NCOR2: variants seen among roughly 807,000 people sequenced by gnomAD.
NCOR2 encodes nuclear receptor corepressor 2, also known as CTG repeat protein 26.
A neutral mutation model predicts 262.9 loss-of-function variants in NCOR2; 81 were observed. That is an observed-to-expected ratio of 0.31 (90% confidence interval 0.26 to 0.37). The LOEUF is 0.37. Among genes scored for constraint, NCOR2 ranks in the 10% least tolerant of loss-of-function variants. The probability of loss-of-function intolerance (pLI) is 1.00; values close to 1 mark genes in which losing one functional copy is unlikely to be tolerated. For missense variants in NCOR2, 3,385 were observed against 3,621.4 expected (o/e 0.93, Z 1.68); for synonymous variants, 1,659 against 1,559.3 (o/e 1.06, Z -1.51).
Position 124,495,137 on chromosome 12 carries a change from A to C in NCOR2, c.105+10T>G. The C allele has an allele frequency of 1.9e-6, 3 of 1,613,102 alleles. No homozygotes were observed. In the South Asian group the frequency reaches 3.3e-5, roughly 18 times the overall value. On this transcript the variant is annotated intron_variant, in intron 1 of 46. Coordinates refer to ENST00000405201, the Ensembl canonical transcript of NCOR2. The surrounding 1 kb of genome is among the most constrained non-coding windows in gnomAD (Gnocchi z 4.4). ...GGTAGCCCCAGGCGCACACATGTGC[A>C]CCCCCTTACCGTGTGCGTCCGGGCG...
intron 16 of NCOR2, among the ~76,000 whole-genome samples, chr12:124,394,332 G>A (rs978319359): frequency 1.3e-5 from 2 of 152,230 alleles, no homozygotes; most frequent in African/African-American, 4.8e-5. Context: ...CTAAGGAGCT[G>A]CTTGTAGCTA....
Position 124,334,571 on chromosome 12 carries a change from C to G in NCOR2, c.6458G>C (p.Ser2153Thr). 2.8e-6 allele frequency: 4 copies of G among 1,410,796 alleles called. No individual in the cohort carries two copies. In the South Asian group the frequency reaches 4.9e-5, roughly 17 times the overall value. The allele number at this position is 1,410,796 out of a possible 1,614,324, so 87.4% of individuals were successfully genotyped here. A position where few individuals can be genotyped will look rare whatever the true frequency, so the allele number is the denominator to read the frequency against. ...GTAGAGGGGGGCGGGCAGGGGTGCG[C>G]TGAGCTGCTGTGGGTGGTGCCGGGT... The change falls in exon 41 of 47, where the codon AGC (serine) becomes ACC (threonine). Residue 2153 changes from serine (S) to threonine (T), a missense_variant. Physicochemically the swap from Ser to Thr is moderately conservative, Grantham distance 58 (BLOSUM62 1). Coordinates refer to ENST00000405201, the Ensembl canonical transcript of NCOR2.
intron 1 of NCOR2, among the ~76,000 whole-genome samples, chr12:124,522,860 A>G (rs1403002868): frequency 6.6e-6 from 1 of 152,206 alleles, no homozygotes; most frequent in African/African-American, 2.4e-5. Flanking sequence ...GAGAGATCCC[A>G]CAGCCACCCT....
At chr12:124,553,759 A>G (rs1274188495) in intron 1 of NCOR2, among the ~76,000 whole-genome samples, 3 of 152,340 alleles carry the variant, frequency 2.0e-5, no homozygotes, top group East Asian at 1.9e-4. Context: ...AGTAAGATCC[A>G]TAAGAAATCC....
rs1479484567 is a variant in NCOR2 at position 124,503,585 on chromosome 12, TGGAC to T, written c.-117-8221_-117-8218del. On this transcript the variant is annotated intron_variant, in intron 1 of 46. Transcript: ENST00000404621. The surrounding 1 kb of genome is among the most constrained non-coding windows in gnomAD (Gnocchi z 4.3). Reference sequence around the variant, plus strand: ...GATGGATAGATGGAAGACGGACGGATGGACGGATGGATGGATGGACGGACGGACG... The same window carrying T: ...GATGGATAGATGGAAGACGGACGGATGGATGGATGGATGGACGGACGGACG... Among the ~76,000 whole-genome samples the T allele has an allele frequency of 2.2e-5, 3 of 139,180 alleles. No individual in the cohort carries two copies. Among genetic ancestry groups the T allele is most frequent in the Non-Finnish European group, 3.0e-5 (2 of 65,886 alleles). 91.3% of individuals were successfully genotyped at this position (139,180 alleles called of 152,430 possible).
At chr12:124,521,067 T>C (rs1319033873) in intron 1 of NCOR2, among the ~76,000 whole-genome samples, 1 of 152,232 alleles carries the variant, frequency 6.6e-6, no homozygotes, top group East Asian at 1.9e-4. Context: ...GCTGCCTCTC[T>C]CGCAACCCAG....
intron 1 of NCOR2, among the ~76,000 whole-genome samples, chr12:124,515,196 G>A (rs1468893919): frequency 6.6e-6 from 1 of 151,966 alleles, no homozygotes; most frequent in Non-Finnish European, 1.5e-5. Context: ...TCATGGGGGA[G>A]TCCTCTACTA....
chr12:124,487,594 T>C (rs117054140), intron 1 of NCOR2, among the ~76,000 whole-genome samples: 1 of 152,300 alleles, frequency 6.6e-6, no homozygotes, highest in East Asian at 1.9e-4. Context: ...TCTTAGTAAT[T>C]TTCCATCCAC....
chr12:124,416,067 C>T (rs1364953413), intron 13 of NCOR2, among the ~76,000 whole-genome samples: 2 of 152,122 alleles, frequency 1.3e-5, no homozygotes, highest in Non-Finnish European at 2.9e-5. Context: ...ATCAGAACAC[C>T]TGGCAATTCA....
rs1401022393 is a variant in NCOR2, at chr12:124,333,901, CGCATGTGTGCGGGTGT to C, written c.6605+507_6605+522del. Reference sequence around the variant, plus strand: ...GCGGGTGTGCATGTGTGTGTGCGCGCGCATGTGTGCGGGTGTGCATGTGTGTGCGCGCGCATGTGTG... The same window carrying C: ...GCGGGTGTGCATGTGTGTGTGCGCGCGCATGTGTGTGCGCGCGCATGTGTG... On this transcript the variant is annotated intron_variant, in intron 41 of 46. Transcript: ENST00000405201. 5.0e-5 allele frequency among the ~76,000 whole-genome samples: 7 copies of C among 140,464 alleles called. No homozygotes were observed. In the South Asian group the frequency reaches 9.3e-4, roughly 19 times the overall value. 92.1% of individuals were successfully genotyped at this position (140,464 alleles called of 152,430 possible).
At chr12:124,403,863 G>T (rs2042119241) in intron 13 of NCOR2, among the ~76,000 whole-genome samples, 2 of 152,182 alleles carry the variant, frequency 1.3e-5, no homozygotes, top group South Asian at 4.1e-4. Flanking sequence ...TGAGGCTGCT[G>T]CCAGGTCCAG....
At chr12:124,514,726 C>T (rs1222818093) in intron 1 of NCOR2, 1 of 151,284 alleles carries the variant, frequency 6.6e-6, no homozygotes, top group Non-Finnish European at 1.5e-5. Context: ...GCCTGTAGTC[C>T]CAGCTACTCA....
chr12:124,444,972 T>G lies in NCOR2; in HGVS notation c.815+4843A>C, dbSNP rs540032769. Among the ~76,000 whole-genome samples, 3 of 152,204 alleles carry G rather than the reference T, an allele frequency of 2.0e-5. No individual in the cohort carries two copies. In the South Asian group the frequency reaches 6.2e-4, roughly 32 times the overall value. On this transcript the variant is annotated intron_variant, in intron 7 of 46. Coordinates refer to ENST00000405201, the Ensembl canonical transcript of NCOR2. ...TCTGAACAAGACCAGAGAGACCTGC[T>G]AAGAGTAACCTGGGTTCTGACTGAT...
intron 1 of NCOR2, among the ~76,000 whole-genome samples, chr12:124,553,508 C>T (rs1052436530): frequency 2.0e-5 from 3 of 152,202 alleles, no homozygotes. Context: ...GTCCACGTGC[C>T]TCAGTCTCTC....
At chr12:124,342,811 C>T (rs1036769580) in intron 33 of NCOR2, among the ~76,000 whole-genome samples, 194 bp downstream of exon 35, 6 of 152,244 alleles carry the variant, frequency 3.9e-5, no homozygotes, top group Non-Finnish European at 8.8e-5. Flanking sequence ...ACATGTCCTG[C>T]AAACTACTAA....
chr12:124,491,051 A>C (rs924669385), intron 1 of NCOR2, among the ~76,000 whole-genome samples: 3 of 152,238 alleles, frequency 2.0e-5, no homozygotes. Context: ...AGCAGCGTCC[A>C]GTGTCACAGG....
Position 124,394,034 on chromosome 12 carries a change from C to T in NCOR2, c.1876+4085G>A, listed in dbSNP as rs145307450. ...GTGACTTACCTCCGACCCCCATCGCCGGGGCGAAGACAGAGGTGGCGGGGG... is the reference window on the plus strand; with the variant it reads ...GTGACTTACCTCCGACCCCCATCGCTGGGGCGAAGACAGAGGTGGCGGGGG... On this transcript the variant is annotated intron_variant, in intron 16 of 46. Coordinates refer to ENST00000405201, the Ensembl canonical transcript of NCOR2. Among the ~76,000 whole-genome samples, 1,213 of 152,344 alleles carry T rather than the reference C, an allele frequency of 8.0e-3. 15 individuals are homozygous for T. Among genetic ancestry groups the T allele is most frequent in the African/African-American group, 0.028 (1,149 of 41,574 alleles).
At chr12:124,411,406 C>T (rs2042580249) in intron 13 of NCOR2, among the ~76,000 whole-genome samples, 2 of 152,196 alleles carry the variant, frequency 1.3e-5, no homozygotes, top group Admixed American at 6.5e-5. Context: ...GGCGGAGCCT[C>T]GGCCTCCCTG....
At position 124,483,573 on chromosome 12, in the gene NCOR2, C is replaced by T; in HGVS notation, c.411+23G>A. 1 of 1,545,280 alleles carries T rather than the reference C, an allele frequency of 6.5e-7. No homozygotes were observed. Among genetic ancestry groups the T allele is most frequent in the South Asian group, 1.2e-5 (1 of 81,154 alleles). ...CAGAACCTCAAGCGGGAGAGGAGCTCCCAGCTGGGGGCCCAGGCTTACCTT... is the reference window on the plus strand; with the variant it reads ...CAGAACCTCAAGCGGGAGAGGAGCTTCCAGCTGGGGGCCCAGGCTTACCTT... On this transcript the variant is annotated intron_variant, in intron 3 of 46. Coordinates refer to ENST00000405201, the Ensembl canonical transcript of NCOR2. The surrounding 1 kb of genome is among the most constrained non-coding windows in gnomAD (Gnocchi z 6.3).
Sources: allele counts gnomAD v4.1 joint callset (sites outside exome capture counted in the v4.1 genomes callset), GRCh38; gene constraint gnomAD v4.1.1; non-coding constraint Gnocchi (gnomAD v3.1); transcripts MANE v1.5; gene names NCBI Gene and HGNC (gene_info 2026-07-23, HGNC 2026-07-21).